CACNA1I: variants seen among roughly 807,000 people sequenced by gnomAD.
The protein encoded by CACNA1I is calcium voltage-gated channel subunit alpha1 I.
In CACNA1I, 74 loss-of-function variants were observed where a neutral mutation model predicts 201.6. The observed-to-expected ratio is 0.37, with a 90% CI of 0.30 to 0.45. CACNA1I has a LOEUF of 0.45. Among genes scored for constraint, CACNA1I ranks in the 20% least tolerant of loss-of-function variants. The pLI, the probability that CACNA1I is intolerant of heterozygous loss-of-function variation, is 1.00. For synonymous variants in CACNA1I, 1,431 were observed against 1,345.2 expected (o/e 1.06, Z -1.40); for missense variants, 2,346 against 3,138.1 (o/e 0.75, Z 6.03).
Position 39,640,950 on chromosome 22 carries a change from A to G in CACNA1I, c.824A>G (p.Asn275Ser), listed in dbSNP as rs1398687907. Residue 275 changes from asparagine to serine, a missense_variant, in exon 6 of 37, where the codon AAT becomes AGT. Around this residue, in one of 13 missense-constraint regions of CACNA1I, gnomAD observed 227 missense variants for 412.5 expected, o/e 0.55. Coordinates refer to ENST00000402142, the MANE Select transcript of CACNA1I (RefSeq NM_021096.4). ...TTCATCTGCTCCCTGTCGGGCGACA[A>G]TGGGATAATGGGCTGCCATGAGATC... ...MPFICSLSGD[N>S]GIMGCHEIPP... The G allele has an allele frequency of 1.9e-6, 3 of 1,613,878 alleles. No homozygotes were observed. The highest frequency in any genetic ancestry group is 2.5e-6 in the Non-Finnish European group (3 of 1,179,882).
At position 39,665,466 on chromosome 22, in the gene CACNA1I, A is replaced by G. The variant is rs1241519567; in HGVS notation, c.3852-32A>G. On this transcript the variant is annotated intron_variant, in intron 21 of 36. Transcript: ENST00000402142. This position sits in a 1 kb window ranked among gnomAD's most constrained non-coding sequence, Gnocchi z 5.5. ...GGCTGCCTCCTGGCCTGGCCAAGGG[A>G]TTATGTGTGCCTGGCCTCTCCCTGC... 1.2e-6 allele frequency: 2 copies of G among 1,611,906 alleles called. No individual in the cohort carries two copies. The highest frequency in any genetic ancestry group is 1.1e-5 in the South Asian group (1 of 90,960).
chr22:39,656,357 C>G (rs1312985475), intron 10 of CACNA1I: 3 of 516,136 alleles, frequency 5.8e-6, no homozygotes, highest in East Asian at 1.1e-4. Context: ...GGTCCTCCAC[C>G]TGCACACCCT....
chr22:39,668,160 C>G lies in CACNA1I; in HGVS notation c.4105-132C>G, dbSNP rs566997077. 8.0e-6 allele frequency: 5 copies of G among 627,476 alleles called. No homozygotes were observed. In the African/African-American group the frequency reaches 9.1e-5, roughly 11 times the overall value. 38.9% of individuals were successfully genotyped at this position (627,476 alleles called of 1,614,324 possible). ...AAGTTTGTTGGACGAGGGCACAGCT[C>G]TGCCACACAGAGAAGACCTCTTTGT... On this transcript the variant is annotated intron_variant, in intron 23 of 36. Transcript: ENST00000402142.
At chr22:39,586,384 T>C (rs1210302001) in intron 1 of CACNA1I, among the ~76,000 whole-genome samples, 1 of 151,812 alleles carries the variant, frequency 6.6e-6, no homozygotes, top group Non-Finnish European at 1.5e-5. Context: ...CCCAGACACT[T>C]GGGAAGTGGA....
At chr22:39,631,273 C>T (rs950065991) in intron 4 of CACNA1I, among the ~76,000 whole-genome samples, 2 of 152,092 alleles carry the variant, frequency 1.3e-5, no homozygotes, top group African/African-American at 2.4e-5. Flanking sequence ...GCTCTGGGCG[C>T]TCACCGGGCT....
At position 39,677,273 on chromosome 22, in the gene CACNA1I, C is replaced by A. The variant is rs1029845910; in HGVS notation, c.4855-68C>A. 1 of 1,098,836 alleles carries A rather than the reference C, an allele frequency of 9.1e-7. No individual in the cohort carries two copies. Among genetic ancestry groups the A allele is most frequent in the Non-Finnish European group, 1.3e-6 (1 of 751,226 alleles). 68.1% of individuals were successfully genotyped at this position (1,098,836 alleles called of 1,614,324 possible). On this transcript the variant is annotated intron_variant, in intron 29 of 36. Coordinates refer to ENST00000402142, the MANE Select transcript of CACNA1I (RefSeq NM_021096.4). The surrounding 1 kb of genome is among the most constrained non-coding windows in gnomAD (Gnocchi z 4.8). ...CCCAACCCCACTGCCCCAGCCTCCA[C>A]CCTTCCCAGGCCTGGTGCGCCCCCA...
chr22:39,574,971 G>A (rs1024543415), intron 1 of CACNA1I, among the ~76,000 whole-genome samples: 1 of 152,246 alleles, frequency 6.6e-6, no homozygotes, highest in African/African-American at 2.4e-5. Flanking sequence ...CCGGAGCTAG[G>A]CCCTGAGTCA....
intron 7 of CACNA1I, among the ~76,000 whole-genome samples, chr22:39,645,346 G>A (rs1400135085): frequency 6.6e-6 from 1 of 152,224 alleles, no homozygotes. Context: ...TTACAGATGG[G>A]GAAGTGGAGG....
chr22:39,641,230 T>C, intron 6 of CACNA1I, 48 bp downstream of exon 6: 4 of 1,502,830 alleles, frequency 2.7e-6, no homozygotes, highest in South Asian at 1.2e-5. Flanking sequence ...AGTGGGCAGC[T>C]CTGCCTGGTG....
intron 2 of CACNA1I, 30 bp downstream of exon 2, chr22:39,598,292 CTGCCCTCATCCTCCAGGACCCGGCCTATG>C: frequency 7.7e-7 from 1 of 1,291,806 alleles, no homozygotes; most frequent in Non-Finnish European, 1.1e-6. Context: ...CCGCCCCGCC[CTGCCCTCATCCTCCAGGACCCGGCCTATG>C]CCCCGCCCAC....
Position 39,685,036 on chromosome 22 carries a change from A to C in CACNA1I, c.6027+538A>C. The C allele has an allele frequency of 5.6e-6, 1 of 179,864 alleles. No individual in the cohort carries two copies. The allele number at this position is 179,864 out of a possible 1,614,324, so 11.1% of individuals were successfully genotyped here. ...AGGGCTCCGCTGTGGGGGTGGGGAA[A>C]TGGGGCCGGGCCGGCTCCCACAGTG... On this transcript the variant is annotated intron_variant, in intron 36 of 36. Coordinates refer to ENST00000402142, the MANE Select transcript of CACNA1I (RefSeq NM_021096.4). The surrounding 1 kb of genome is among the most constrained non-coding windows in gnomAD (Gnocchi z 5.0).
intron 1 of CACNA1I, among the ~76,000 whole-genome samples, chr22:39,580,650 G>A (rs1388665348): frequency 6.6e-6 from 1 of 152,150 alleles, no homozygotes; most frequent in South Asian, 2.1e-4. Flanking sequence ...ACCATGTGGG[G>A]CAGGGGCTGG....
chr22:39,683,426 C>G (rs1016132880), intron 35 of CACNA1I, among the ~76,000 whole-genome samples: 1 of 152,148 alleles, frequency 6.6e-6, no homozygotes, highest in African/African-American at 2.4e-5. Context: ...CTGATGGGCT[C>G]TCAGCTGGCC....
intron 3 of CACNA1I, among the ~76,000 whole-genome samples, chr22:39,607,170 T>C (rs1441580167): frequency 6.6e-6 from 1 of 152,170 alleles, no homozygotes; most frequent in African/African-American, 2.4e-5. Flanking sequence ...CTGTCTTGGA[T>C]GAGTACAGAG....
chr22:39,613,039 C>A (rs1472300243), intron 3 of CACNA1I, among the ~76,000 whole-genome samples: 3 of 152,244 alleles, frequency 2.0e-5, no homozygotes, highest in African/African-American at 7.2e-5. Flanking sequence ...TTTAAGAAAG[C>A]CCCCGTGGGC....
chr22:39,662,955 G>T (rs1013779781), intron 18 of CACNA1I, 79 bp downstream of exon 18: 3 of 980,170 alleles, frequency 3.1e-6, no homozygotes, highest in Admixed American at 2.0e-5. Flanking sequence ...GCCAGGCAAG[G>T]CCATTGGTGG....
chr22:39,628,885 G>A (rs1017016256), intron 4 of CACNA1I, among the ~76,000 whole-genome samples: 6 of 152,126 alleles, frequency 3.9e-5, no homozygotes, highest in Admixed American at 6.5e-5. Flanking sequence ...AGGCTGGCAC[G>A]CGTCTGGCAA....
chr22:39,647,808 T>C lies in CACNA1I; in HGVS notation c.1463-14T>C, dbSNP rs1447885277. On this transcript the variant is annotated splice_polypyrimidine_tract_variant and intron_variant, in intron 8 of 36. Coordinates refer to ENST00000402142, the MANE Select transcript of CACNA1I (RefSeq NM_021096.4). ...GAGAAGGGAGAAGATAGTAATATTA[T>C]CTCCACTTTTCAGATGGGAAGACTA... 1.3e-6 allele frequency: 2 copies of C among 1,526,310 alleles called. No homozygotes were observed. The highest frequency in any genetic ancestry group is 2.2e-5 in the South Asian group (2 of 89,320). 94.5% of individuals were successfully genotyped at this position (1,526,310 alleles called of 1,614,324 possible). A position where few individuals can be genotyped will look rare whatever the true frequency, so the allele number is the denominator to read the frequency against.
intron 1 of CACNA1I, among the ~76,000 whole-genome samples, chr22:39,577,986 C>A (rs928343738): frequency 1.3e-5 from 2 of 152,322 alleles, no homozygotes; most frequent in East Asian, 3.9e-4. Context: ...CTGGGGCAAG[C>A]ATGGACAAAC....
Sources: gnomAD v4.1 joint callset for allele counts (sites outside exome capture counted in the v4.1 genomes callset) on GRCh38, gnomAD v4.1.1 for gene constraint, gnomAD v4.1.1 regional missense constraint, Gnocchi (gnomAD v3.1) non-coding constraint, MANE v1.5 for transcripts, NCBI Gene and HGNC (gene_info 2026-07-23, HGNC 2026-07-21) for gene names.